Variants in SIRPG observed in about 807,000 individuals in gnomAD.
SIRPG encodes signal regulatory protein gamma, also known as signal-regulatory protein gamma.
Under a neutral mutation model 35.7 loss-of-function variants are expected in SIRPG, and 38 were observed. The ratio of observed to expected loss-of-function variants is 1.06; its 90% CI spans 0.82 to 1.40. The LOEUF is 1.40. SIRPG is among the 40% of genes most tolerant of loss of function. The pLI is 0.00. For synonymous variants in SIRPG, 215 were observed against 190.4 expected (o/e 1.13, Z -1.06); for missense variants, 519 against 483.0 (o/e 1.07, Z -0.70).
chr20:1,647,071 T>G (rs1271478449), intron 2 of SIRPG: 1 of 152,222 alleles, frequency 6.6e-6, no homozygotes, highest in Non-Finnish European at 1.5e-5. Context: ...AGACAGGGGC[T>G]GTAAGTCAGG....
At chr20:1,679,297 T>C in the SIRPG span, among the ~76,000 whole-genome samples, 1 of 152,206 alleles carries the variant, frequency 6.6e-6, no homozygotes, top group African/African-American at 2.4e-5. Flanking sequence ...AAAAAATTCA[T>C]ATTTTCCTGA....
chr20:1,674,455 A>T, the SIRPG span, among the ~76,000 whole-genome samples: 1 of 152,176 alleles, frequency 6.6e-6, no homozygotes, highest in Non-Finnish European at 1.5e-5. Flanking sequence ...CTGTGAGGTC[A>T]GTGTTATCAT....
chr20:1,679,013 A>G, the SIRPG span, among the ~76,000 whole-genome samples: 1 of 152,216 alleles, frequency 6.6e-6, no homozygotes, highest in African/African-American at 2.4e-5. Context: ...CAAGGGAGAA[A>G]TTAAGATATT....
At chr20:1,682,616 A>G in the SIRPG span, among the ~76,000 whole-genome samples, 1 of 152,240 alleles carries the variant, frequency 6.6e-6, no homozygotes, top group African/African-American at 2.4e-5. Flanking sequence ...ACAATAGGGA[A>G]AAGTCAATCT....
At chr20:1,678,788 A>G in the SIRPG span, among the ~76,000 whole-genome samples, 3 of 152,180 alleles carry the variant, frequency 2.0e-5, no homozygotes, top group Non-Finnish European at 4.4e-5. Context: ...GACACATTAT[A>G]ATCCAACTGT....
At chr20:1,685,551 C>T in the SIRPG span, among the ~76,000 whole-genome samples, 1 of 152,124 alleles carries the variant, frequency 6.6e-6, no homozygotes, top group Non-Finnish European at 1.5e-5. Flanking sequence ...TTGCATTCAG[C>T]CTCCAAAAGT....
At chr20:1,638,485 A>C (rs2091822421) in intron 2 of SIRPG, 1 of 152,194 alleles carries the variant, frequency 6.6e-6, no homozygotes, top group African/African-American at 2.4e-5. Context: ...AAAAACTCAA[A>C]TGATAATAAA....
chr20:1,685,374 T>C, the SIRPG span, among the ~76,000 whole-genome samples: 1 of 151,956 alleles, frequency 6.6e-6, no homozygotes, highest in Non-Finnish European at 1.5e-5. Flanking sequence ...CATGAGGTCA[T>C]TGGGGGGGTC....
At chr20:1,675,090 A>G in the SIRPG span, among the ~76,000 whole-genome samples, 5 of 152,154 alleles carry the variant, frequency 3.3e-5, no homozygotes, top group African/African-American at 4.8e-5. Flanking sequence ...GCCCGGGCCC[A>G]GATACCCTGT....
In SIRPG at chr20:1,649,257, T is replaced by G. The variant is rs1362929974; in HGVS notation, c.225A>C (p.Glu75Asp). 1.9e-6 allele frequency: 3 copies of G among 1,614,004 alleles called. No homozygotes were observed. In the African/African-American group the frequency reaches 4.0e-5, roughly 22 times the overall value. The change falls in exon 2 of 6, where the codon GAA (glutamate) becomes GAC (aspartate). Residue 75 changes from glutamate to aspartate, a missense_variant. Physicochemically the swap from Glu to Asp is conservative, Grantham distance 45. Transcript: ENST00000303415. ...LWFRGVGPGR[E>D]LIYNQKEGHF... Reference sequence around the variant, plus strand: ...GGCCTTCTTTTTGATTGTAGATTAATTCCCGGCCTGGTCCAACTCCTCTGA... The same window carrying G: ...GGCCTTCTTTTTGATTGTAGATTAAGTCCCGGCCTGGTCCAACTCCTCTGA...
intron 2 of SIRPG, chr20:1,637,699 T>A (rs927873850): frequency 6.6e-6 from 1 of 152,126 alleles, no homozygotes; most frequent in African/African-American, 2.4e-5. Context: ...TTGGGCCAGG[T>A]TGGGTCCAAA....
At chr20:1,665,260 C>A in the SIRPG span, 2 of 161,162 alleles carry the variant, frequency 1.2e-5, no homozygotes, top group Non-Finnish European at 1.4e-5. Context: ...CCTTGGCCAG[C>A]CCTTCTATCC....
chr20:1,635,051 A>T (rs1256055765), intron 4 of SIRPG, among the ~76,000 whole-genome samples: 3 of 152,180 alleles, frequency 2.0e-5, no homozygotes, highest in East Asian at 3.8e-4. Context: ...TCAAAAAAAA[A>T]AAAAATTAAA....
chr20:1,636,061 T>G (rs2091797157), intron 3 of SIRPG, 127 bp downstream of exon 3: 1 of 1,347,612 alleles, frequency 7.4e-7, no homozygotes, highest in Non-Finnish European at 1.0e-6. Context: ...CCTAGGTGCA[T>G]GGCGGGCGGG....
chr20:1,632,773 G>C (rs1010732401), intron 4 of SIRPG, among the ~76,000 whole-genome samples: 9 of 151,942 alleles, frequency 5.9e-5, no homozygotes, highest in Non-Finnish European at 1.0e-4. Flanking sequence ...AGCCATAAAC[G>C]GAGGCAAAGG....
the SIRPG span, among the ~76,000 whole-genome samples, chr20:1,685,348 AG>A: frequency 7.0e-4 from 106 of 152,282 alleles, no homozygotes; most frequent in African/African-American, 2.4e-3. Flanking sequence ...AGGGTCTTTA[AG>A]AAGCTATTTA....
intron 2 of SIRPG, among the ~76,000 whole-genome samples, chr20:1,641,579 G>T (rs1466283600): frequency 6.6e-6 from 1 of 151,830 alleles, no homozygotes; most frequent in African/African-American, 2.4e-5. Context: ...TTTTTTGAAG[G>T]GTTTTTTGTG....
intron 1 of SIRPG, 77 bp from the exon 2 acceptor site, chr20:1,649,485 A>C (rs567729294): frequency 3.0e-4 from 398 of 1,333,672 alleles, no homozygotes; most frequent in Middle Eastern, 5.9e-4. Context: ...AAAGATATTC[A>C]GTGACTGGGT....
intron 1 of SIRPG, among the ~76,000 whole-genome samples, chr20:1,650,651 GA>G (rs1028872900): frequency 1.3e-5 from 2 of 151,364 alleles, no homozygotes; most frequent in African/African-American, 4.9e-5. Flanking sequence ...GAGTTCCGGG[GA>G]AAAAAAAGAG....
Sources: allele counts gnomAD v4.1 joint callset (sites outside exome capture counted in the v4.1 genomes callset), GRCh38; gene constraint gnomAD v4.1.1; transcripts MANE v1.5; gene names NCBI Gene and HGNC (gene_info 2026-07-23, HGNC 2026-07-21).